Variants in ABLIM1 observed in about 807,000 individuals in gnomAD.
The protein encoded by ABLIM1 is actin binding LIM protein 1, also known as actin-binding LIM protein 1.
ABLIM1 carries 40 observed loss-of-function variants against 107.0 expected under a neutral mutation model. The observed-to-expected ratio is 0.37, with a 90% CI of 0.29 to 0.49. ABLIM1 has a LOEUF of 0.49. Ranked by LOEUF, ABLIM1 falls within the 20% of genes least tolerant of loss-of-function variation. The pLI is 0.97. For synonymous variants in ABLIM1, 357 were observed against 357.3 expected, an observed-to-expected ratio of 1.00 and a Z score of 0.01; for missense variants, 857 against 1,008.5, an observed-to-expected ratio of 0.85 and a Z score of 2.04.
At chr10:114,654,489 T>A (rs1052904603) in intron 1 of ABLIM1, among the ~76,000 whole-genome samples, 3 of 152,196 alleles carry the variant, frequency 2.0e-5, no homozygotes, top group Non-Finnish European at 2.9e-5. Context: ...TTACAATTTT[T>A]AAAATTGAGA....
At chr10:114,526,914 G>A (rs2064868181) in intron 6 of ABLIM1, 1 of 985,478 alleles carries the variant, frequency 1.0e-6, no homozygotes, top group Non-Finnish European at 1.2e-6. Context: ...GCTCTCTCAC[G>A]CCTCCTCTCC....
chr10:114,634,600 A>G (rs1291577561), intron 1 of ABLIM1, among the ~76,000 whole-genome samples: 1 of 152,212 alleles, frequency 6.6e-6, no homozygotes, highest in Non-Finnish European at 1.5e-5. Context: ...CTAAGTTGGC[A>G]GAGTAACAGC....
chr10:114,589,215 G>T (rs1226181163), intron 2 of ABLIM1, among the ~76,000 whole-genome samples: 236 of 141,780 alleles, frequency 1.7e-3, no homozygotes, highest in African/African-American at 3.0e-3. Context: ...GTGTGTGTGT[G>T]TGTTTTTTTT....
chr10:114,551,104 A>T (rs1251328481), intron 4 of ABLIM1, among the ~76,000 whole-genome samples: 1 of 152,136 alleles, frequency 6.6e-6, no homozygotes, highest in Non-Finnish European at 1.5e-5. Flanking sequence ...CTCTCTCCGA[A>T]CCCTCATTTC....
exon 1 of ABLIM1, chr10:114,684,806 G>C: frequency 1.2e-6 from 1 of 834,102 alleles, no homozygotes. Flanking sequence ...AATAAAGAAA[G>C]AAAAGGATCG....
chr10:114,561,475 G>A (rs1209859368), intron 4 of ABLIM1, among the ~76,000 whole-genome samples: 1 of 152,074 alleles, frequency 6.6e-6, no homozygotes, highest in Admixed American at 6.6e-5. Context: ...TAAAAACATA[G>A]GGTGGGAAAT....
rs145948840 is a variant in ABLIM1, at chr10:114,522,473, C to T, written c.894+22532G>A. ...TCTAAACTTCACAAAACACAATTCT[C>T]TATGTTTTCAAGTATGTTTATTTGG... On this transcript the variant is annotated intron_variant, in intron 6 of 22. Coordinates refer to ENST00000533213, the MANE Select transcript of ABLIM1 (RefSeq NM_002313.7). Among the ~76,000 whole-genome samples, 122 of 152,310 alleles carry T rather than the reference C, an allele frequency of 8.0e-4. No homozygotes were observed. The Middle Eastern group carries it at 0.02, about 25-fold the overall frequency.
chr10:114,797,841 T>C, the ABLIM1 span, among the ~76,000 whole-genome samples: 1 of 152,210 alleles, frequency 6.6e-6, no homozygotes, highest in Non-Finnish European at 1.5e-5. Context: ...TGGCCTATAA[T>C]TCCTAAATAT....
chr10:114,601,820 A>C lies in ABLIM1; in HGVS notation c.379+7T>G. The C allele has an allele frequency of 2.5e-6, 4 of 1,614,164 alleles. No homozygotes were observed. The highest frequency in any genetic ancestry group is 3.4e-6 in the Non-Finnish European group (4 of 1,180,008). On this transcript the variant is annotated splice_region_variant and intron_variant, in intron 2 of 22. Coordinates refer to ENST00000533213, the MANE Select transcript of ABLIM1 (RefSeq NM_002313.7). ...GCCACTGAGCCACGAAGCTGGAGGCACCATACCTTTGCAGGTGAAACACTT... is the reference window on the plus strand; with the variant it reads ...GCCACTGAGCCACGAAGCTGGAGGCCCCATACCTTTGCAGGTGAAACACTT...
chr10:114,579,200 G>T (rs1023075294), intron 2 of ABLIM1, among the ~76,000 whole-genome samples: 1 of 151,970 alleles, frequency 6.6e-6, no homozygotes, highest in Non-Finnish European at 1.5e-5. Context: ...AACAACATTT[G>T]TATTGGCAGG....
intron 1 of ABLIM1, among the ~76,000 whole-genome samples, chr10:114,747,159 T>G (rs754847059): frequency 6.6e-6 from 1 of 152,166 alleles, no homozygotes; most frequent in Non-Finnish European, 1.5e-5. Flanking sequence ...AAAAGGGCAT[T>G]CCAGGTGGAA....
At chr10:114,441,689 A>G (rs2060220571) in intron 18 of ABLIM1, 33 bp downstream of exon 18, 2 of 1,593,190 alleles carry the variant, frequency 1.3e-6, no homozygotes, top group African/African-American at 2.7e-5. Flanking sequence ...GTGGGAGTAA[A>G]GGCAGAAACA....
the ABLIM1 span, among the ~76,000 whole-genome samples, chr10:114,783,669 T>C: frequency 2.0e-5 from 3 of 152,000 alleles, no homozygotes; most frequent in South Asian, 6.2e-4. Flanking sequence ...AAGGGAAAAG[T>C]GGTCACTTAT....
intron 6 of ABLIM1, among the ~76,000 whole-genome samples, chr10:114,492,872 G>A (rs2059188933): frequency 6.6e-6 from 1 of 152,132 alleles, no homozygotes; most frequent in Non-Finnish European, 1.5e-5. Flanking sequence ...ATACTTTCCT[G>A]TAAAAACTAC....
intron 9 of ABLIM1, 49 bp downstream of exon 9, chr10:114,473,830 C>T (rs1277622494): frequency 1.4e-6 from 2 of 1,427,766 alleles, no homozygotes; most frequent in East Asian, 2.3e-5. Context: ...TATTACAATC[C>T]ACTAATTTAC....
At chr10:114,695,181 T>A (rs1486664846) in intron 1 of ABLIM1, among the ~76,000 whole-genome samples, 3 of 152,244 alleles carry the variant, frequency 2.0e-5, no homozygotes, top group African/African-American at 7.2e-5. Context: ...TAACCATCTG[T>A]TAAGCAGATG....
intron 2 of ABLIM1, among the ~76,000 whole-genome samples, chr10:114,585,827 A>T (rs550320168): frequency 1.3e-5 from 2 of 152,108 alleles, no homozygotes; most frequent in Admixed American, 6.5e-5. Context: ...GACACAAAAC[A>T]ATGATTGACA....
chr10:114,563,227 C>G (rs1301151724), intron 4 of ABLIM1, among the ~76,000 whole-genome samples: 1 of 152,158 alleles, frequency 6.6e-6, no homozygotes, highest in African/African-American at 2.4e-5. Flanking sequence ...TTCGGGTGAT[C>G]TTTATCCCTT....
chr10:114,616,818 A>T (rs1033135163), intron 1 of ABLIM1, among the ~76,000 whole-genome samples: 1 of 152,230 alleles, frequency 6.6e-6, no homozygotes, highest in African/African-American at 2.4e-5. Flanking sequence ...CCAGGAGGCA[A>T]TGGGTGACCA....
Sources: gnomAD v4.1 joint callset for allele counts (sites outside exome capture counted in the v4.1 genomes callset) on GRCh38, gnomAD v4.1.1 for gene constraint, MANE v1.5 for transcripts, NCBI Gene and HGNC (gene_info 2026-07-23, HGNC 2026-07-21) for gene names.